Variants in ZNF574 observed in about 807,000 individuals in gnomAD.
ZNF574 encodes zinc finger protein 574.
Under a neutral mutation model 56.6 loss-of-function variants are expected in ZNF574, and 25 were observed. That is an observed-to-expected ratio of 0.44 (90% CI 0.32 to 0.62). The LOEUF (loss-of-function observed/expected upper bound fraction) is 0.62, where lower values mean the gene tolerates loss of function less well. Among genes scored for constraint, ZNF574 ranks in the 20% least tolerant of loss-of-function variants. The pLI is 0.04. For synonymous variants in ZNF574, 543 were observed against 492.1 expected (o/e 1.10, Z -1.37); for missense variants, 1,065 against 1,218.9 (o/e 0.87, Z 1.88).
upstream of ZNF574, among the ~76,000 whole-genome samples, chr19:42,074,453 T>A (rs566755178): frequency 6.9e-6 from 1 of 144,588 alleles, no homozygotes; most frequent in African/African-American, 2.6e-5. Context: ...AGACTCTGTC[T>A]CATAAATAAA....
chr19:42,072,532 G>A (rs529007260), upstream of ZNF574, among the ~76,000 whole-genome samples: 10 of 151,390 alleles, frequency 6.6e-5, no homozygotes, highest in East Asian at 1.6e-3. Flanking sequence ...CACTGCACCC[G>A]GCCAGGTTTT....
chr19:42,068,862 C>T (rs955967975), exon 1 of ZNF574: 20 of 682,360 alleles, frequency 2.9e-5, no homozygotes, highest in African/African-American at 1.2e-4. Context: ...CAAGGCCCAC[C>T]GCAGGCAGAG....
In ZNF574 at chr19:42,080,480, A is replaced by G. The variant is rs1217643332; in HGVS notation, c.1874A>G (p.His625Arg). 1 of 1,613,814 alleles carries G rather than the reference A, an allele frequency of 6.2e-7. No homozygotes were observed. ...SFLLRRLLEV[H>R]QLVVHAGRQP... ...TTGCTGCGTCGGCTGCTGGAGGTGC[A>G]CCAGCTCGTGGTCCATGCCGGGCGC... The change falls in exon 2 of 2, where the codon CAC becomes CGC. Residue 625 changes from histidine to arginine, a missense_variant. His to Arg is a conservative substitution (Grantham distance 29, BLOSUM62 0). Transcript: ENST00000359044. This position sits in a 1 kb window ranked among gnomAD's most constrained non-coding sequence, Gnocchi z 8.5.
At chr19:42,074,199 G>T (rs972424038), upstream of ZNF574, among the ~76,000 whole-genome samples, 2 of 151,602 alleles carry the variant, frequency 1.3e-5, no homozygotes, top group African/African-American at 4.8e-5. Flanking sequence ...GCTCACGCCT[G>T]TAATCCCAGC....
chr19:42,069,746 G>A (rs1000571702), intron 1 of ZNF574, among the ~76,000 whole-genome samples: 7 of 151,200 alleles, frequency 4.6e-5, no homozygotes, highest in Non-Finnish European at 8.9e-5. Flanking sequence ...GGAGGGGGCC[G>A]CCCCCTTTCC....
rs2076454673 is a variant in ZNF574 at position 42,076,287 on chromosome 19, G to T, written c.-21+1G>T. 6.6e-6 allele frequency: 1 copy of T among 152,256 alleles called. No homozygotes were observed. Among genetic ancestry groups the T allele is most frequent in the Admixed American group, 6.5e-5 (1 of 15,294 alleles). 9.4% of individuals were successfully genotyped at this position (152,256 alleles called of 1,614,324 possible). A position where few individuals can be genotyped will look rare whatever the true frequency, so the allele number is the denominator to read the frequency against. On this transcript the variant is annotated splice_donor_variant, in intron 1 of 1. Coordinates refer to ENST00000359044, the MANE Select transcript of ZNF574 (RefSeq NM_022752.6). LOFTEE classifies it low-confidence loss of function (5UTR_SPLICE). ...GGGGCGTGCGAGACGGCGGAAGCAG[G>T]TGAGCGCGAGCGGGCGCGCAGAGGC... is the stretch of plus-strand genomic sequence containing the variant.
rs1197379402 is a variant in ZNF574, at chr19:42,079,452, A to G, written c.846A>G (p.Glu282=). ...ACAGTTACGAGCTGCGCAATGGTGA[A>G]GCCATTGGGCGGGATCGCCGGGGGC... ...SDHSYELRNG[E]AIGRDRRGRR... is the part of the protein sequence containing the mutation. The change falls in exon 2 of 2, where the codon GAA becomes GAG. Residue 282 remains glutamate (E), a synonymous_variant. Coordinates refer to ENST00000359044, the MANE Select transcript of ZNF574 (RefSeq NM_022752.6). This position sits in a 1 kb window ranked among gnomAD's most constrained non-coding sequence, Gnocchi z 4.3. 2 of 1,613,688 alleles carry G rather than the reference A, an allele frequency of 1.2e-6. No homozygotes were observed. The highest frequency in any genetic ancestry group is 1.7e-6 in the Non-Finnish European group (2 of 1,180,028).
chr19:42,068,968 G>A (rs1195369978), intron 1 of ZNF574: 3 of 593,012 alleles, frequency 5.1e-6, no homozygotes, highest in Non-Finnish European at 9.1e-6. Context: ...CGGGGTAAGT[G>A]AGAGCCCAAG....
rs1031850456 is a variant in ZNF574, at chr19:42,080,150, G to A, written c.1544G>A (p.Arg515His). 1.2e-5 allele frequency: 20 copies of A among 1,613,948 alleles called. No individual in the cohort carries two copies. The Admixed American group carries it at 1.7e-4, about 13-fold the overall frequency. Residue 515 changes from arginine to histidine, a missense_variant, in exon 2 of 2, where the codon CGC (arginine) becomes CAC (histidine). Physicochemically the swap from Arg to His is conservative, Grantham distance 29. Coordinates refer to ENST00000359044, the MANE Select transcript of ZNF574 (RefSeq NM_022752.6). This position sits in a 1 kb window ranked among gnomAD's most constrained non-coding sequence, Gnocchi z 8.5. ...KKKSHVRNHL[R>H]THTGERPFPC... ...AAGTCTCACGTGCGTAACCACCTGC[G>A]CACACACACAGGGGAGCGGCCCTTC...
chr19:42,074,119 G>A (rs189217409), upstream of ZNF574, among the ~76,000 whole-genome samples: 2,918 of 129,308 alleles, frequency 0.023, 94 homozygotes, highest in African/African-American at 0.084. Flanking sequence ...GGCGGTGGGC[G>A]ACAGAGTGAG....
chr19:42,080,074 C>A lies in ZNF574; in HGVS notation c.1468C>A (p.Arg490=). 6.2e-7 allele frequency: 1 copy of A among 1,614,082 alleles called. No individual in the cohort carries two copies. Among genetic ancestry groups the A allele is most frequent in the Non-Finnish European group, 8.5e-7 (1 of 1,180,032 alleles). Residue 490 remains arginine, a synonymous_variant, in exon 2 of 2, where the codon CGG becomes AGG. Transcript: ENST00000359044. The surrounding 1 kb of genome is among the most constrained non-coding windows in gnomAD (Gnocchi z 8.5). ...QLTRHQRFVH[R]LERRHKCSIC... is the part of the protein sequence containing the mutation. ...GACCCGGCACCAACGTTTTGTGCAT[C>A]GGCTGGAGCGGCGCCATAAATGCAG...
chr19:42,068,913 G>A, exon 1 of ZNF574: 1 of 678,314 alleles, frequency 1.5e-6, no homozygotes, highest in Middle Eastern at 2.4e-4. Flanking sequence ...TCTGGGACCA[G>A]GACGGAGGCT....
At chr19:42,073,800 G>T (rs1412877438), upstream of ZNF574, among the ~76,000 whole-genome samples, 2 of 114,346 alleles carry the variant, frequency 1.7e-5, no homozygotes, top group African/African-American at 6.8e-5. Context: ...CTGGGTGACA[G>T]AGCTAGACTG....
chr19:42,080,038 G>T lies in ZNF574; in HGVS notation c.1432G>T (p.Ala478Ser), dbSNP rs1483480709. 1 of 1,614,122 alleles carries T rather than the reference G, an allele frequency of 6.2e-7. No individual in the cohort carries two copies. Among genetic ancestry groups the T allele is most frequent in the African/African-American group, 1.3e-5 (1 of 75,038 alleles). ...CCTGTGCAGCCGTGAATTTGGAAAG[G>T]CCTTGCAGCTGACCCGGCACCAACG... ...CLLCSREFGKALQLTRHQRFV... is the reference protein window; with the variant it reads ...CLLCSREFGKSLQLTRHQRFV... The change falls in exon 2 of 2, where the codon GCC becomes TCC. Residue 478 changes from alanine to serine, a missense_variant. Transcript: ENST00000359044. The surrounding 1 kb of genome is among the most constrained non-coding windows in gnomAD (Gnocchi z 8.5).
upstream of ZNF574, among the ~76,000 whole-genome samples, chr19:42,075,860 C>T (rs1386189278): frequency 2.6e-5 from 4 of 152,372 alleles, no homozygotes; most frequent in South Asian, 4.1e-4. Context: ...CGCCGCCCTC[C>T]GCTCAGAGTT....
intron 1 of ZNF574, chr19:42,069,089 G>A (rs2076385626): frequency 2.2e-6 from 1 of 454,458 alleles, no homozygotes. Context: ...GGACGCTGAG[G>A]AGATGGAGGG....
rs1291174518 is a variant in ZNF574 at position 42,080,121 on chromosome 19, G to A, written c.1515G>A (p.Lys505=). 6.2e-7 allele frequency: 1 copy of A among 1,614,016 alleles called. No homozygotes were observed. The highest frequency in any genetic ancestry group is 1.3e-5 in the African/African-American group (1 of 74,926). The change falls in exon 2 of 2, where the codon AAG becomes AAA. Residue 505 remains lysine (K), a synonymous_variant. Coordinates refer to ENST00000359044, the MANE Select transcript of ZNF574 (RefSeq NM_022752.6). This position sits in a 1 kb window ranked among gnomAD's most constrained non-coding sequence, Gnocchi z 8.5. Reference sequence around the variant, plus strand: ...GCAGCATTTGTGGCAAGATGTTCAAGAAGAAGTCTCACGTGCGTAACCACC... The same window carrying A: ...GCAGCATTTGTGGCAAGATGTTCAAAAAGAAGTCTCACGTGCGTAACCACC... ...HKCSICGKMF[K]KKSHVRNHLR... is the part of the protein sequence containing the mutation.
chr19:42,081,401 C>G lies in ZNF574; in HGVS notation c.*104C>G. On this transcript the variant is annotated 3_prime_UTR_variant, in exon 2 of 2. Transcript: ENST00000359044. ...ACTGTGTCCCTTCCTCTTCCCATCC[C>G]CACCACCTTGTAAGTTCTAAATTGG... 7.0e-7 allele frequency: 1 copy of G among 1,435,270 alleles called. No homozygotes were observed. The allele number at this position is 1,435,270 out of a possible 1,614,324, so 88.9% of individuals were successfully genotyped here. A position where few individuals can be genotyped will look rare whatever the true frequency, so the allele number is the denominator to read the frequency against.
Position 42,079,974 on chromosome 19 carries a change from C to T in ZNF574, c.1368C>T (p.Thr456=), listed in dbSNP as rs1468704032. The T allele has an allele frequency of 1.2e-6, 2 of 1,613,902 alleles. No homozygotes were observed. The highest frequency in any genetic ancestry group is 2.2e-5 in the East Asian group (1 of 44,868). Residue 456 remains threonine (T), a synonymous_variant, in exon 2 of 2, where the codon ACC becomes ACT. Transcript: ENST00000359044. This position sits in a 1 kb window ranked among gnomAD's most constrained non-coding sequence, Gnocchi z 4.3. ...CTGAGCCCCCTGTGTCTGAGGAGAC[C>T]TCAGCAGGGCCCGCTGCCCCAGGCA... ...EAPEPPVSEE[T]SAGPAAPGTY... is the part of the protein sequence containing the mutation.
Sources: gnomAD v4.1 joint callset for allele counts (sites outside exome capture counted in the v4.1 genomes callset) on GRCh38, gnomAD v4.1.1 for gene constraint, Gnocchi (gnomAD v3.1) non-coding constraint, MANE v1.5 for transcripts, NCBI Gene and HGNC (gene_info 2026-07-23, HGNC 2026-07-21) for gene names.